The following ABCG2 variants were observed in gnomAD, a reference collection of about 807,000 sequenced individuals.
ABCG2 encodes the protein ATP binding cassette subfamily G member 2 (JR blood group).
Under a neutral mutation model 73.5 loss-of-function variants are expected in ABCG2, and 80 were observed. The ratio of observed to expected loss-of-function variants is 1.09; its 90% CI spans 0.91 to 1.31. The LOEUF is 1.31. Ranked by LOEUF, ABCG2 falls within the 50% of genes most tolerant of loss-of-function variation. ABCG2 has a pLI of 0.00. For synonymous variants in ABCG2, 269 were observed against 282.4 expected (o/e 0.95, Z 0.48); for missense variants, 796 against 786.2 (o/e 1.01, Z -0.15).
At chr4:88,159,079 G>A (rs377282230), upstream of ABCG2, 1 of 452,940 alleles carries the variant, frequency 2.2e-6, no homozygotes, top group East Asian at 7.1e-5. Context: ...GCCCTCCCTC[G>A]GGGCTAGGGT....
chr4:88,114,720 T>A (rs1723408229), intron 8 of ABCG2, among the ~76,000 whole-genome samples: 1 of 152,074 alleles, frequency 6.6e-6, no homozygotes, highest in Non-Finnish European at 1.5e-5. Flanking sequence ...ATATAAACAC[T>A]GAGCATTTTT....
intron 5 of ABCG2, among the ~76,000 whole-genome samples, chr4:88,130,205 T>A (rs1356601594): frequency 6.6e-6 from 1 of 152,142 alleles, no homozygotes; most frequent in Admixed American, 6.5e-5. Context: ...CATCGGTATT[T>A]ACAGCCGCTC....
intron 1 of ABCG2, among the ~76,000 whole-genome samples, chr4:88,148,691 C>A (rs536304531): frequency 6.6e-6 from 1 of 152,154 alleles, no homozygotes; most frequent in Non-Finnish European, 1.5e-5. Context: ...ACTGTACACA[C>A]GGTTCTGCCT....
At chr4:88,228,471 A>G (rs1198436203) in intron 1 of ABCG2, among the ~76,000 whole-genome samples, 2 of 152,232 alleles carry the variant, frequency 1.3e-5, no homozygotes, top group African/African-American at 4.8e-5. Flanking sequence ...CCTACCTGCC[A>G]TCCGCTGTTG....
rs1725521159 is a variant in ABCG2, at chr4:88,140,013, T to G, written c.-18A>C. 2 of 1,610,810 alleles carry G rather than the reference T, an allele frequency of 1.2e-6. No individual in the cohort carries two copies. The highest frequency in any genetic ancestry group is 1.3e-5 in the African/African-American group (1 of 74,866). ...GAAGACATCTGGAGAGTTTTTATCTTTCTGCAGACAGAAAAGCAATAGTAA... is the reference window on the plus strand; with the variant it reads ...GAAGACATCTGGAGAGTTTTTATCTGTCTGCAGACAGAAAAGCAATAGTAA... On this transcript the variant is annotated splice_region_variant and 5_prime_UTR_variant, in exon 2 of 16. Coordinates refer to ENST00000237612, the MANE Select transcript of ABCG2 (RefSeq NM_004827.3).
chr4:88,223,018 G>C (rs1227598905), intron 1 of ABCG2, among the ~76,000 whole-genome samples: 1 of 152,224 alleles, frequency 6.6e-6, no homozygotes, highest in Non-Finnish European at 1.5e-5. Context: ...TTTCAGACTT[G>C]CATGGGCCTA....
intron 1 of ABCG2, among the ~76,000 whole-genome samples, chr4:88,202,976 C>T (rs1377960748): frequency 6.6e-6 from 1 of 152,116 alleles, no homozygotes; most frequent in African/African-American, 2.4e-5. Flanking sequence ...TTCCCTTCCA[C>T]CCAAATTCTT....
chr4:88,148,171 A>T (rs536638070), intron 1 of ABCG2, among the ~76,000 whole-genome samples: 16 of 152,260 alleles, frequency 1.1e-4, no homozygotes, highest in African/African-American at 3.9e-4. Flanking sequence ...TGCCAAACCC[A>T]TGTATACAGA....
At chr4:88,092,983 C>T (rs926885327) in intron 15 of ABCG2, among the ~76,000 whole-genome samples, 2 of 152,120 alleles carry the variant, frequency 1.3e-5, no homozygotes, top group South Asian at 2.1e-4. Context: ...CTGTGAGGAG[C>T]ATCACAGATA....
chr4:88,100,628 C>T (rs923019875), intron 11 of ABCG2, among the ~76,000 whole-genome samples: 2 of 151,666 alleles, frequency 1.3e-5, no homozygotes, highest in Non-Finnish European at 2.9e-5. Context: ...CCAGCCTGGG[C>T]GACAAAGCAA....
rs574319650 is a variant in ABCG2, at chr4:88,125,422, C to T, written c.532-3630G>A. 1.0e-3 allele frequency among the ~76,000 whole-genome samples: 156 copies of T among 151,694 alleles called. 1 individual carries two copies. Among genetic ancestry groups the T allele is most frequent in the African/African-American group, 3.5e-3 (143 of 41,412 alleles). On this transcript the variant is annotated intron_variant, in intron 5 of 15. Transcript: ENST00000237612. ...AGGAGATCAAGACCATCCTGGCTAA[C>T]GTGGTGAAATGCCATCTCTAATAAA...
At chr4:88,148,517 G>A (rs1422222108) in intron 1 of ABCG2, among the ~76,000 whole-genome samples, 1 of 152,026 alleles carries the variant, frequency 6.6e-6, no homozygotes, top group Non-Finnish European at 1.5e-5. Context: ...ATTCTGGAGG[G>A]TCCCTGACTG....
chr4:88,145,911 G>A (rs1389379056), intron 1 of ABCG2, among the ~76,000 whole-genome samples: 1 of 152,102 alleles, frequency 6.6e-6, no homozygotes, highest in East Asian at 1.9e-4. Flanking sequence ...CTCCAGCTTG[G>A]GCAACAGAGC....
intron 1 of ABCG2, among the ~76,000 whole-genome samples, chr4:88,181,251 C>T (rs1408697190): frequency 1.3e-5 from 2 of 151,352 alleles, no homozygotes; most frequent in Non-Finnish European, 2.9e-5. Context: ...AATACAAAAA[C>T]TAGACGAGCA....
intron 1 of ABCG2, among the ~76,000 whole-genome samples, chr4:88,220,839 T>C (rs369151622): frequency 1.3e-4 from 20 of 152,300 alleles, no homozygotes; most frequent in African/African-American, 4.8e-4. Flanking sequence ...CACCCCTCTT[T>C]GCTCAGCACT....
intron 1 of ABCG2, among the ~76,000 whole-genome samples, chr4:88,211,121 T>C (rs1217079746): frequency 6.6e-6 from 1 of 151,466 alleles, no homozygotes; most frequent in African/African-American, 2.4e-5. Flanking sequence ...AATATATATA[T>C]ATATGTAAAA....
intron 1 of ABCG2, among the ~76,000 whole-genome samples, chr4:88,211,861 A>G (rs1188202012): frequency 1.6e-4 from 24 of 152,200 alleles, no homozygotes; most frequent in Admixed American, 1.6e-3. Flanking sequence ...CCAGAGGGGA[A>G]AGTCTTTCTC....
intron 1 of ABCG2, among the ~76,000 whole-genome samples, chr4:88,211,901 G>A (rs546201859): frequency 1.0e-3 from 153 of 152,282 alleles, no homozygotes; most frequent in Non-Finnish European, 1.8e-3. Context: ...AATCAAGTTT[G>A]GCCATTTTTG....
At chr4:88,179,220 T>C (rs1312967705) in intron 1 of ABCG2, among the ~76,000 whole-genome samples, 4 of 152,152 alleles carry the variant, frequency 2.6e-5, no homozygotes, top group Non-Finnish European at 5.9e-5. Context: ...CTCCATTTGT[T>C]TGGGAGAAAG....
Sources: gnomAD v4.1 joint callset for allele counts (sites outside exome capture counted in the v4.1 genomes callset) on GRCh38, gnomAD v4.1.1 for gene constraint, MANE v1.5 for transcripts, NCBI Gene and HGNC (gene_info 2026-07-23, HGNC 2026-07-21) for gene names.